INTS7: variants seen among roughly 807,000 people sequenced by gnomAD.
INTS7 encodes the protein integrator complex subunit 7.
INTS7 carries 46 observed loss-of-function variants against 109.2 expected under a neutral mutation model. The ratio of observed to expected loss-of-function variants is 0.42; its 90% CI spans 0.33 to 0.54. INTS7 has a LOEUF of 0.54. Among genes scored for constraint, INTS7 ranks in the 20% least tolerant of loss-of-function variants. The pLI is 0.07. For synonymous variants in INTS7, 412 were observed against 402.9 expected (o/e 1.02, Z -0.27); for missense variants, 929 against 1,132.4 (o/e 0.82, Z 2.58).
At chr1:212,014,359 G>A (rs558380829) in intron 4 of INTS7, among the ~76,000 whole-genome samples, 5 of 151,210 alleles carry the variant, frequency 3.3e-5, no homozygotes, top group Non-Finnish European at 5.9e-5. Context: ...CAGCTACTTC[G>A]GAGGCTGAGG....
chr1:211,998,756 T>C (rs1665527517), intron 7 of INTS7, among the ~76,000 whole-genome samples: 2 of 151,446 alleles, frequency 1.3e-5, no homozygotes, highest in African/African-American at 2.4e-5. Context: ...GAGGGAATAT[T>C]TGTAAAACAT....
intron 5 of INTS7, among the ~76,000 whole-genome samples, chr1:212,007,683 C>G (rs1665989217): frequency 6.6e-6 from 1 of 152,108 alleles, no homozygotes; most frequent in Non-Finnish European, 1.5e-5. Context: ...ATAATAAAAA[C>G]TGCCTTTAAA....
At position 212,028,318 on chromosome 1, in the gene INTS7, C is replaced by T. The variant is rs111917187; in HGVS notation, c.94+7026G>A. ...TTACAAATCATACTTCACATAAAAC[C>T]CCAGGATCTCTGGTTTTAGAAAAGT... On this transcript the variant is annotated intron_variant, in intron 1 of 19. Coordinates refer to ENST00000366994, the MANE Select transcript of INTS7 (RefSeq NM_015434.4). Among the ~76,000 whole-genome samples, 52 of 152,226 alleles carry T rather than the reference C, an allele frequency of 3.4e-4. 1 individual carries two copies. Among genetic ancestry groups the T allele is most frequent in the African/African-American group, 1.2e-3 (51 of 41,528 alleles).
intron 3 of INTS7, among the ~76,000 whole-genome samples, chr1:212,017,443 T>C (rs1052447754): frequency 2.0e-4 from 31 of 152,226 alleles, no homozygotes; most frequent in African/African-American, 7.2e-4. Flanking sequence ...CCCAATCTTT[T>C]TTTCCCACAT....
intron 7 of INTS7, among the ~76,000 whole-genome samples, chr1:212,005,920 CAG>C (rs1665887003): frequency 6.6e-6 from 1 of 152,002 alleles, no homozygotes; most frequent in East Asian, 1.9e-4. Context: ...AACAAACAAA[CAG>C]AAAAACAAAC....
chr1:212,020,993 G>C, intron 2 of INTS7, 90 bp downstream of exon 2: 2 of 1,185,136 alleles, frequency 1.7e-6, no homozygotes, highest in South Asian at 1.6e-5. Context: ...CCAGGTGGAA[G>C]TACTAAAAGG....
chr1:212,034,203 C>G (rs185004149), intron 1 of INTS7, among the ~76,000 whole-genome samples: 2 of 151,832 alleles, frequency 1.3e-5, no homozygotes, highest in Non-Finnish European at 2.9e-5. Context: ...TGGGGGTGCA[C>G]TAAAGATACT....
intron 17 of INTS7, among the ~76,000 whole-genome samples, chr1:211,947,117 G>A (rs939116627): frequency 3.9e-5 from 6 of 152,220 alleles, no homozygotes; most frequent in African/African-American, 1.4e-4. Context: ...TTGGCTTTGA[G>A]CTGGCTCATT....
intron 15 of INTS7, among the ~76,000 whole-genome samples, chr1:211,966,860 T>A: frequency 6.7e-6 from 1 of 148,798 alleles, no homozygotes; most frequent in South Asian, 2.1e-4. Context: ...TGATAAAAGT[T>A]AAAAAAAAAA....
At chr1:211,945,039 C>T in intron 18 of INTS7, 70 bp from the exon 19 acceptor site, 1 of 1,453,966 alleles carries the variant, frequency 6.9e-7, no homozygotes, top group Non-Finnish European at 9.5e-7. Flanking sequence ...CATGTCTGTG[C>T]TAATCACTGG....
At chr1:211,986,821 C>T (rs554457857) in intron 8 of INTS7, among the ~76,000 whole-genome samples, 23 of 152,236 alleles carry the variant, frequency 1.5e-4, no homozygotes, top group Non-Finnish European at 2.8e-4. Flanking sequence ...GGTGTGACAA[C>T]GGAGTATCAG....
At chr1:212,026,685 C>A (rs756099120) in intron 1 of INTS7, among the ~76,000 whole-genome samples, 1 of 152,064 alleles carries the variant, frequency 6.6e-6, no homozygotes, top group East Asian at 1.9e-4. Context: ...TGTGTGCTTA[C>A]GTATATGTGT....
rs1341007274 is a variant in INTS7 at position 212,017,047 on chromosome 1, A to G, written c.372-24T>C. The G allele has an allele frequency of 2.6e-6, 4 of 1,538,076 alleles. No homozygotes were observed. The Admixed American group carries it at 9.0e-5, about 35-fold the overall frequency. ...TCCTACAGAAACAGAGAAACCCAAGAAGATCGGGCATAAAATAAAGTCAAG... is the reference window on the plus strand; with the variant it reads ...TCCTACAGAAACAGAGAAACCCAAGGAGATCGGGCATAAAATAAAGTCAAG... On this transcript the variant is annotated intron_variant, in intron 3 of 19. Transcript: ENST00000366994.
intron 6 of INTS7, 46 bp from the exon 7 acceptor site, chr1:212,006,807 T>C: frequency 6.7e-7 from 1 of 1,487,006 alleles, no homozygotes; most frequent in Non-Finnish European, 9.2e-7. Flanking sequence ...GTAACTGAAA[T>C]GATCATTAGA....
In INTS7 at chr1:212,007,395, A is replaced by C; in HGVS notation, c.611T>G (p.Met204Arg). ...KLKLIPILQH[M>R]HHDAILASSA... ...GGAAGCCAAGATTGCATCATGGTGCATGTGCTGTAGAATGGGTATCAATTT... is the reference window on the plus strand; with the variant it reads ...GGAAGCCAAGATTGCATCATGGTGCCTGTGCTGTAGAATGGGTATCAATTT... The change falls in exon 6 of 20, where the codon ATG (methionine) becomes AGG (arginine). Residue 204 changes from methionine to arginine, a missense_variant. Met to Arg is a moderately conservative substitution (Grantham distance 91). Coordinates refer to ENST00000366994, the MANE Select transcript of INTS7 (RefSeq NM_015434.4). 1.2e-6 allele frequency: 2 copies of C among 1,614,012 alleles called. No homozygotes were observed. The highest frequency in any genetic ancestry group is 8.5e-7 in the Non-Finnish European group (1 of 1,179,894).
chr1:211,952,758 T>C, intron 16 of INTS7, 57 bp from the exon 17 acceptor site: 2 of 1,357,092 alleles, frequency 1.5e-6, no homozygotes, highest in South Asian at 1.2e-5. Flanking sequence ...ATTTAATGCC[T>C]ACATGTATCA....
At chr1:211,974,272 AAAAAATATATAT>A (rs1025546019) in intron 13 of INTS7, among the ~76,000 whole-genome samples, 4 of 62,326 alleles carry the variant, frequency 6.4e-5, no homozygotes, top group African/African-American at 2.1e-4. Context: ...TCCCAGAAAA[AAAAAATATATAT>A]ATATATATAT....
chr1:211,949,647 T>C (rs1663000280), intron 17 of INTS7, among the ~76,000 whole-genome samples: 1 of 152,178 alleles, frequency 6.6e-6, no homozygotes, highest in African/African-American at 2.4e-5. Flanking sequence ...CTGCCAGCCA[T>C]TTCCTGTTTT....
At chr1:212,011,881 A>C (rs543972263) in intron 4 of INTS7, among the ~76,000 whole-genome samples, 1 of 152,232 alleles carries the variant, frequency 6.6e-6, no homozygotes, top group Non-Finnish European at 1.5e-5. Flanking sequence ...GGGCTAAGAA[A>C]CTTCAAACTA....
Sources: allele counts gnomAD v4.1 joint callset (sites outside exome capture counted in the v4.1 genomes callset), GRCh38; gene constraint gnomAD v4.1.1; transcripts MANE v1.5; gene names NCBI Gene and HGNC (gene_info 2026-07-23, HGNC 2026-07-21).